Variants in ETV3 observed in about 807,000 individuals in gnomAD.
ETV3 encodes ETS translocation variant 3.
Under a neutral mutation model 33.0 loss-of-function variants are expected in ETV3, and 8 were observed. That is an observed-to-expected ratio of 0.24 (90% CI 0.14 to 0.44). The LOEUF (loss-of-function observed/expected upper bound fraction) is 0.44. Ranked by LOEUF, ETV3 falls within the 20% of genes least tolerant of loss-of-function variation. The pLI, the probability that ETV3 is intolerant of heterozygous loss-of-function variation, is 1.00. For missense variants in ETV3, 473 were observed against 652.3 expected (o/e 0.73, Z 2.99); for synonymous variants, 222 against 238.9 (o/e 0.93, Z 0.65).
intron 4 of ETV3, chr1:157,133,081 T>C (rs1025344276): frequency 2.0e-5 from 3 of 152,270 alleles, no homozygotes; most frequent in Middle Eastern, 3.2e-3. Context: ...TCTGAGGTTT[T>C]GCTTTCCACT....
intron 1 of ETV3, among the ~76,000 whole-genome samples, chr1:157,137,509 AACACACACACACAC>A (rs10567825): frequency 2.8e-5 from 4 of 144,968 alleles, no homozygotes; most frequent in African/African-American, 7.7e-5. Flanking sequence ...GACAAGGAAA[AACACACACACACAC>A]ACACACACAC....
At chr1:157,132,015 T>C (rs1008542722) in intron 4 of ETV3, among the ~76,000 whole-genome samples, 1 of 152,114 alleles carries the variant, frequency 6.6e-6, no homozygotes, top group Non-Finnish European at 1.5e-5. Flanking sequence ...CAGGCTGGAG[T>C]GTAGTGGCAT....
chr1:157,136,121 G>C (rs1296584406), intron 2 of ETV3, among the ~76,000 whole-genome samples, 186 bp downstream of exon 2: 1 of 152,150 alleles, frequency 6.6e-6, no homozygotes, highest in Non-Finnish European at 1.5e-5. Context: ...TAGGATATGG[G>C]TGTGGTGACC....
intron 4 of ETV3, chr1:157,133,416 G>T: frequency 1.0e-6 from 1 of 985,364 alleles, no homozygotes; most frequent in Non-Finnish European, 1.2e-6. Flanking sequence ...TTTGCATAAG[G>T]AAAAAAATCA....
chr1:157,131,441 T>C (rs556298810), intron 4 of ETV3, among the ~76,000 whole-genome samples: 1 of 152,304 alleles, frequency 6.6e-6, no homozygotes, highest in Non-Finnish European at 1.5e-5. Context: ...ACATTTCACA[T>C]TGTATTAAAC....
chr1:157,126,410 T>C (rs1674836677), intron 4 of ETV3, among the ~76,000 whole-genome samples: 2 of 152,238 alleles, frequency 1.3e-5, no homozygotes, highest in African/African-American at 4.8e-5. Flanking sequence ...ATTACCTGTT[T>C]CAATTTTTAG....
rs1233150526 is a variant in ETV3 at position 157,123,794 on chromosome 1, T to G, written c.*1047A>C. ...TTTATGGTGACAGACCCGTATCATC[T>G]TAAAGTATGTTCATAGTTAAGGCTT... On this transcript the variant is annotated 3_prime_UTR_variant, in exon 5 of 5. Coordinates refer to ENST00000368192, the MANE Select transcript of ETV3 (RefSeq NM_001145312.3). 2.6e-5 allele frequency: 4 copies of G among 152,214 alleles called. No individual in the cohort carries two copies. The highest frequency in any genetic ancestry group is 4.4e-5 in the Non-Finnish European group (3 of 68,044). 9.4% of individuals were successfully genotyped at this position (152,214 alleles called of 1,614,324 possible).
chr1:157,121,611 G>A lies in ETV3; in HGVS notation c.*3230C>T, dbSNP rs1674711797. Reference sequence around the variant, plus strand: ...AGAAACCAAGAATGGAACAGTTCTTGAAAGATTGAATCAAAGTTGTCTTCT... The same window carrying A: ...AGAAACCAAGAATGGAACAGTTCTTAAAAGATTGAATCAAAGTTGTCTTCT... On this transcript the variant is annotated 3_prime_UTR_variant, in exon 5 of 5. Coordinates refer to ENST00000368192, the MANE Select transcript of ETV3 (RefSeq NM_001145312.3). 1 of 152,108 alleles carries A rather than the reference G, an allele frequency of 6.6e-6. No individual in the cohort carries two copies. The highest frequency in any genetic ancestry group is 1.5e-5 in the Non-Finnish European group (1 of 68,006). The allele number at this position is 152,108 out of a possible 1,614,324, so 9.4% of individuals were successfully genotyped here. A position where few individuals can be genotyped will look rare whatever the true frequency, so the allele number is the denominator to read the frequency against.
At chr1:157,136,445 C>A in intron 1 of ETV3, 80 bp from the exon 2 acceptor site, 1 of 1,308,318 alleles carries the variant, frequency 7.6e-7, no homozygotes. Flanking sequence ...CAGTCTCTCC[C>A]CAAACTTCCT....
rs1326465582 is a variant in ETV3, at chr1:157,129,990, C to CGCA, written c.401-4014_401-4012dup. ...TCTCAAGTAGCTGGGACTACAGGTG[C>CGCA]GCACCACCATGACTGGCTGATTTTT... On this transcript the variant is annotated intron_variant, in intron 4 of 4. Transcript: ENST00000368192. Among the ~76,000 whole-genome samples the CGCA allele has an allele frequency of 2.9e-4, 44 of 152,044 alleles. 1 individual carries two copies. Among genetic ancestry groups the CGCA allele is most frequent in the African/African-American group, 1.1e-3 (44 of 41,466 alleles).
rs937563864 is a variant in ETV3 at position 157,125,770 on chromosome 1, G to A, written c.610C>T (p.Arg204Trp). 4 of 1,551,638 alleles carry A rather than the reference G, an allele frequency of 2.6e-6. No homozygotes were observed. The highest frequency in any genetic ancestry group is 2.7e-5 in the African/African-American group (2 of 73,154). The change falls in exon 5 of 5, where the codon CGG becomes TGG. Residue 204 changes from arginine (R) to tryptophan (W), a missense_variant. Physicochemically the swap from Arg to Trp is moderately radical, Grantham distance 101. Around this residue, in one of 3 missense-constraint regions of ETV3, gnomAD observed 410 missense variants for 520.2 expected, o/e 0.79. Coordinates refer to ENST00000368192, the MANE Select transcript of ETV3 (RefSeq NM_001145312.3). This position sits in a 1 kb window ranked among gnomAD's most constrained non-coding sequence, Gnocchi z 4.0. ...CTGGAGGACACGGGATCCACACCCC[G>A]GCGCCAGTCAGCAGCTGAGCCATCC... ...LEDGSAADWR[R>W]GVDPVSSRNA...
intron 4 of ETV3, among the ~76,000 whole-genome samples, chr1:157,128,893 A>T (rs971202874): frequency 7.9e-5 from 12 of 152,248 alleles, no homozygotes; most frequent in African/African-American, 2.9e-4. Flanking sequence ...GCTATCTATC[A>T]CTGTTTACCC....
At chr1:157,126,404 C>A (rs905085561) in intron 4 of ETV3, among the ~76,000 whole-genome samples, 11 of 152,100 alleles carry the variant, frequency 7.2e-5, no homozygotes, top group African/African-American at 2.7e-4. Context: ...GTATATATTA[C>A]CTGTTTCAAT....
At chr1:157,132,501 G>A (rs570391627) in intron 4 of ETV3, among the ~76,000 whole-genome samples, 7 of 152,282 alleles carry the variant, frequency 4.6e-5, no homozygotes, top group Non-Finnish European at 1.0e-4. Context: ...AAAGACAGAA[G>A]AACAAGACGA....
intron 1 of ETV3, among the ~76,000 whole-genome samples, chr1:157,137,264 T>TC (rs1264837712): frequency 6.6e-6 from 1 of 151,992 alleles, no homozygotes; most frequent in East Asian, 1.9e-4. Context: ...CCCTCGCTGT[T>TC]CCCCAGGGTG....
chr1:157,137,462 G>A (rs934638982), intron 1 of ETV3, among the ~76,000 whole-genome samples: 3 of 151,248 alleles, frequency 2.0e-5, no homozygotes, highest in Non-Finnish European at 4.4e-5. Context: ...AACTACTAGC[G>A]GCCGAGGACA....
At chr1:157,126,631 T>C (rs1242577763) in intron 4 of ETV3, among the ~76,000 whole-genome samples, 1 of 152,276 alleles carries the variant, frequency 6.6e-6, no homozygotes, top group Non-Finnish European at 1.5e-5. Context: ...CTTGTTGGAA[T>C]ACAGATATAT....
At chr1:157,132,159 GCTGGTCTTGAACTC>G (rs1387590288) in intron 4 of ETV3, among the ~76,000 whole-genome samples, 2 of 152,214 alleles carry the variant, frequency 1.3e-5, no homozygotes. Context: ...TGTTGGCCAG[GCTGGTCTTGAACTC>G]CTGACCTCAA....
chr1:157,133,535 G>A (rs576246266), intron 4 of ETV3: 2 of 986,018 alleles, frequency 2.0e-6, no homozygotes, highest in Non-Finnish European at 2.4e-6. Flanking sequence ...GTCAAGAGGG[G>A]AAGCCCTACT....
Sources: allele counts gnomAD v4.1 joint callset (sites outside exome capture counted in the v4.1 genomes callset), GRCh38; gene constraint gnomAD v4.1.1; regional missense constraint gnomAD v4.1.1; non-coding constraint Gnocchi (gnomAD v3.1); transcripts MANE v1.5; gene names NCBI Gene and HGNC (gene_info 2026-07-23, HGNC 2026-07-21).